Variants in BMERB1 observed in about 807,000 individuals in gnomAD.
The protein encoded by BMERB1 is bMERB domain containing 1, also known as bMERB domain-containing protein 1.
A neutral mutation model predicts 23.6 loss-of-function variants in BMERB1; 12 were observed. That is an observed-to-expected ratio of 0.51 (90% CI 0.33 to 0.82). The LOEUF (loss-of-function observed/expected upper bound fraction) is 0.82, where lower values mean the gene tolerates loss of function less well. BMERB1 is among the 40% of genes least tolerant of loss of function. The pLI, the probability that BMERB1 is intolerant of heterozygous loss-of-function variation, is 0.03. For synonymous variants in BMERB1, 122 were observed against 96.6 expected (o/e 1.26, Z -1.54); for missense variants, 247 against 255.4 (o/e 0.97, Z 0.22).
At chr16:15,554,624 C>T (rs1449233488) in intron 2 of BMERB1, among the ~76,000 whole-genome samples, 1 of 151,048 alleles carries the variant, frequency 6.6e-6, no homozygotes, top group Non-Finnish European at 1.5e-5. Context: ...TATAGTAAGA[C>T]CCTGCCTCTA....
rs971251090 is a variant in BMERB1 at position 15,517,678 on chromosome 16, G to A, written c.230+2250G>A. ...TATATTTATTTTTATTTACCTAATG[G>A]TGCTGCTGCAGGAACAATGGTTACC... On this transcript the variant is annotated intron_variant, in intron 2 of 5. Transcript: ENST00000300006. Among the ~76,000 whole-genome samples the A allele has an allele frequency of 5.5e-5, 7 of 127,798 alleles. 1 individual carries two copies. The highest frequency in any genetic ancestry group is 2.3e-4 in the African/African-American group (7 of 30,106). 83.8% of individuals were successfully genotyped at this position (127,798 alleles called of 152,430 possible).
intron 1 of BMERB1, among the ~76,000 whole-genome samples, chr16:15,453,345 G>A (rs754103805): frequency 2.0e-5 from 3 of 152,188 alleles, no homozygotes; most frequent in Non-Finnish European, 2.9e-5. Context: ...GTAATCTGAG[G>A]CAGAAGGCAG....
At chr16:15,502,788 C>G (rs1403772655) in intron 1 of BMERB1, among the ~76,000 whole-genome samples, 1 of 152,124 alleles carries the variant, frequency 6.6e-6, no homozygotes, top group Non-Finnish European at 1.5e-5. Context: ...TCTAGATTCT[C>G]TTCTCAGGGC....
intron 1 of BMERB1, among the ~76,000 whole-genome samples, chr16:15,459,415 T>C (rs1309393366): frequency 2.0e-5 from 3 of 147,322 alleles, no homozygotes; most frequent in African/African-American, 5.0e-5. Context: ...AAGACACAAA[T>C]AGGTTGAAAA....
At chr16:15,437,097 A>T (rs1339917215) in intron 1 of BMERB1, among the ~76,000 whole-genome samples, 1 of 152,114 alleles carries the variant, frequency 6.6e-6, no homozygotes, top group Non-Finnish European at 1.5e-5. Context: ...TTTAACATGA[A>T]GGTTTATTGC....
intron 2 of BMERB1, 126 bp downstream of exon 2, chr16:15,515,554 C>G: frequency 1.5e-6 from 2 of 1,313,092 alleles, no homozygotes; most frequent in Non-Finnish European, 2.0e-6. Context: ...TTTTAAAAGC[C>G]TCATTTGATT....
intron 1 of BMERB1, among the ~76,000 whole-genome samples, chr16:15,508,228 T>C (rs2051616209): frequency 6.6e-6 from 1 of 152,180 alleles, no homozygotes; most frequent in Admixed American, 6.5e-5. Context: ...CGATAAATGT[T>C]AGTTATTATC....
intron 5 of BMERB1, 55 bp from the exon 6 acceptor site, chr16:15,586,662 C>CCT (rs997597769): frequency 1.9e-4 from 263 of 1,415,504 alleles, no homozygotes; most frequent in East Asian, 1.0e-3. Flanking sequence ...GCTCACCTCA[C>CCT]CTCTCTCTCT....
At chr16:15,491,862 C>G (rs1370377904) in intron 1 of BMERB1, among the ~76,000 whole-genome samples, 2 of 152,176 alleles carry the variant, frequency 1.3e-5, no homozygotes, top group African/African-American at 4.8e-5. Context: ...CTGTCTACCC[C>G]CGTAATGGCA....
At chr16:15,540,250 A>G (rs1484041524) in intron 2 of BMERB1, among the ~76,000 whole-genome samples, 1 of 152,042 alleles carries the variant, frequency 6.6e-6, no homozygotes, top group East Asian at 1.9e-4. Flanking sequence ...TAAATAGACA[A>G]TAAAAGAGAA....
chr16:15,446,709 CTTAAT>C (rs1296425581), intron 1 of BMERB1, among the ~76,000 whole-genome samples: 1 of 152,192 alleles, frequency 6.6e-6, no homozygotes, highest in Admixed American at 6.5e-5. Context: ...GATATAGATG[CTTAAT>C]GTCAACTAGA....
chr16:15,518,281 T>G (rs1040595169), intron 2 of BMERB1, among the ~76,000 whole-genome samples: 8 of 152,140 alleles, frequency 5.3e-5, no homozygotes, highest in African/African-American at 1.9e-4. Flanking sequence ...TGAGTGTTGT[T>G]AGGACATAGA....
chr16:15,518,430 T>G (rs2051801770), intron 2 of BMERB1, among the ~76,000 whole-genome samples: 1 of 152,168 alleles, frequency 6.6e-6, no homozygotes, highest in Non-Finnish European at 1.5e-5. Flanking sequence ...GTGTGTAGCT[T>G]GCCCAGTGGT....
At chr16:15,536,757 G>A (rs2052028506) in intron 2 of BMERB1, 1 of 152,334 alleles carries the variant, frequency 6.6e-6, no homozygotes, top group Middle Eastern at 3.4e-3. Flanking sequence ...CCAAGGCATA[G>A]CCTGGTCATT....
At chr16:15,551,818 C>T (rs947999557) in intron 2 of BMERB1, among the ~76,000 whole-genome samples, 3 of 152,124 alleles carry the variant, frequency 2.0e-5, no homozygotes, top group East Asian at 1.9e-4. Flanking sequence ...TCTTACGTGG[C>T]GGCAGGAGAG....
chr16:15,567,868 TG>T (rs747834999), intron 2 of BMERB1, 114 bp from the exon 3 acceptor site: 350 of 859,176 alleles, frequency 4.1e-4, no homozygotes, highest in Non-Finnish European at 4.6e-4. Flanking sequence ...TGAGCATGTA[TG>T]GCCTCTTCAA....
At chr16:15,491,972 C>T (rs990642968) in intron 1 of BMERB1, among the ~76,000 whole-genome samples, 4 of 152,176 alleles carry the variant, frequency 2.6e-5, no homozygotes, top group African/African-American at 9.7e-5. Context: ...TTCATTTCTG[C>T]ATGCCTAGCT....
At chr16:15,522,001 C>A (rs911213956) in intron 2 of BMERB1, among the ~76,000 whole-genome samples, 6 of 152,180 alleles carry the variant, frequency 3.9e-5, no homozygotes, top group Non-Finnish European at 8.8e-5. Context: ...TTTAATAATT[C>A]TTCTTGCAGC....
At chr16:15,527,114 A>G (rs992559465) in intron 2 of BMERB1, among the ~76,000 whole-genome samples, 1 of 151,972 alleles carries the variant, frequency 6.6e-6, no homozygotes, top group African/African-American at 2.4e-5. Flanking sequence ...AACCATTTCT[A>G]AGAGTACAGT....
Sources: allele counts gnomAD v4.1 joint callset (sites outside exome capture counted in the v4.1 genomes callset), GRCh38; gene constraint gnomAD v4.1.1; transcripts MANE v1.5; gene names NCBI Gene and HGNC (gene_info 2026-07-23, HGNC 2026-07-21).